Variants in PTPRN2 observed in about 807,000 individuals in gnomAD.
PTPRN2 encodes the protein protein tyrosine phosphatase receptor type N2, also known as receptor-type tyrosine-protein phosphatase N2.
A neutral mutation model predicts 118.8 loss-of-function variants in PTPRN2; 74 were observed. That is an observed-to-expected ratio of 0.62 (90% CI 0.52 to 0.76). The LOEUF (loss-of-function observed/expected upper bound fraction) is 0.76. PTPRN2 is among the 30% of genes least tolerant of loss of function. PTPRN2 has a pLI of 0.00. For synonymous variants in PTPRN2, 641 were observed against 608.0 expected (o/e 1.05, Z -0.80); for missense variants, 1,481 against 1,394.4 (o/e 1.06, Z -0.99).
chr7:158,270,696 AC>A (rs1210395728), intron 3 of PTPRN2, among the ~76,000 whole-genome samples: 1 of 150,838 alleles, frequency 6.6e-6, no homozygotes, highest in South Asian at 2.1e-4. Context: ...TTGCTGGGCC[AC>A]CCCTCTACTG....
At position 157,965,142 on chromosome 7, in the gene PTPRN2, T is replaced by C. The variant is rs1465550998; in HGVS notation, c.1724-66405A>G. 4.0e-5 allele frequency among the ~76,000 whole-genome samples: 6 copies of C among 151,832 alleles called. 1 individual carries two copies. The highest frequency in any genetic ancestry group is 3.9e-4 in the Admixed American group (6 of 15,250). On this transcript the variant is annotated intron_variant, in intron 11 of 22. Transcript: ENST00000389418. ...ATGGAGGTAGATTTGTGGGAGAGAG[T>C]TGGAAAGGGAGCTAGCACTCTTTGA...
intron 9 of PTPRN2, among the ~76,000 whole-genome samples, chr7:158,112,250 G>A (rs1052710261): frequency 6.6e-6 from 1 of 152,250 alleles, no homozygotes; most frequent in African/African-American, 2.4e-5. Context: ...CAGGGCTGTG[G>A]AGGGAAGGGC....
At position 157,869,196 on chromosome 7, in the gene PTPRN2, G is replaced by A. The variant is rs917226336; in HGVS notation, c.1788+29477C>T. On this transcript the variant is annotated intron_variant, in intron 12 of 22. Transcript: ENST00000389418. This position sits in a 1 kb window ranked among gnomAD's most constrained non-coding sequence, Gnocchi z 4.2. ...CCTCAACTTTGCCAGGGTCCTAAGC[G>A]TGTGCTTAGGTACTTGCAGAGCCTC... The A allele has an allele frequency of 7.9e-5, 12 of 152,216 alleles. No homozygotes were observed. Among genetic ancestry groups the A allele is most frequent in the East Asian group, 3.9e-4 (2 of 5,158 alleles). 9.4% of individuals were successfully genotyped at this position (152,216 alleles called of 1,614,324 possible). A position where few individuals can be genotyped will look rare whatever the true frequency, so the allele number is the denominator to read the frequency against.
intron 6 of PTPRN2, among the ~76,000 whole-genome samples, chr7:158,163,918 C>T (rs1585699142): frequency 6.6e-6 from 1 of 152,222 alleles, no homozygotes; most frequent in Non-Finnish European, 1.5e-5. Context: ...ATAGGTGATA[C>T]CTGCATGGGG....
At chr7:158,537,255 G>A (rs1825700434) in intron 1 of PTPRN2, among the ~76,000 whole-genome samples, 1 of 152,222 alleles carries the variant, frequency 6.6e-6, no homozygotes, top group Non-Finnish European at 1.5e-5. Flanking sequence ...GGACTATGAT[G>A]AATAGCATAG....
chr7:157,985,138 A>G (rs1319370915), intron 11 of PTPRN2, among the ~76,000 whole-genome samples: 1 of 152,238 alleles, frequency 6.6e-6, no homozygotes, highest in Non-Finnish European at 1.5e-5. Flanking sequence ...TCCCTTTAAC[A>G]AAGTGACATC....
At chr7:157,561,664 G>A (rs2150493503) in intron 21 of PTPRN2, among the ~76,000 whole-genome samples, 1 of 152,362 alleles carries the variant, frequency 6.6e-6, no homozygotes, top group East Asian at 1.9e-4. Context: ...GGGCCCCTTG[G>A]GCCCCCTTCC....
At chr7:158,110,322 C>T (rs1227116381) in intron 10 of PTPRN2, among the ~76,000 whole-genome samples, 1 of 152,260 alleles carries the variant, frequency 6.6e-6, no homozygotes, top group Non-Finnish European at 1.5e-5. Flanking sequence ...CCCACCAGCC[C>T]TGCATGCCTC....
At chr7:158,097,128 G>A (rs532238573) in intron 10 of PTPRN2, among the ~76,000 whole-genome samples, 224 of 152,188 alleles carry the variant, frequency 1.5e-3, no homozygotes, top group African/African-American at 5.1e-3. Flanking sequence ...CAAGACTAGG[G>A]GCAAAACAAT....
chr7:157,964,557 A>G lies in PTPRN2; in HGVS notation c.1724-65820T>C, dbSNP rs1472904471. 2.0e-5 allele frequency among the ~76,000 whole-genome samples: 3 copies of G among 152,206 alleles called. No individual in the cohort carries two copies. ...CAATCTAATTTGGTCAAAACAGTTC[A>G]TCCACAACCCCGTGCAGGCCACAAC... On this transcript the variant is annotated intron_variant, in intron 11 of 22. Transcript: ENST00000389418. This position sits in a 1 kb window ranked among gnomAD's most constrained non-coding sequence, Gnocchi z 9.0.
intron 10 of PTPRN2, among the ~76,000 whole-genome samples, chr7:158,102,545 C>G (rs1005960179): frequency 2.6e-5 from 4 of 152,192 alleles, no homozygotes; most frequent in Non-Finnish European, 5.9e-5. Flanking sequence ...CACCTCCACA[C>G]GTTCATCAGT....
intron 12 of PTPRN2, among the ~76,000 whole-genome samples, chr7:157,841,859 T>G (rs980291292): frequency 1.3e-5 from 2 of 152,150 alleles, no homozygotes; most frequent in African/African-American, 4.8e-5. Flanking sequence ...CTTTCCTTCC[T>G]GCGGGCCTGC....
At chr7:158,086,290 C>T (rs1184814960) in intron 10 of PTPRN2, among the ~76,000 whole-genome samples, 1 of 151,552 alleles carries the variant, frequency 6.6e-6, no homozygotes, top group Non-Finnish European at 1.5e-5. Context: ...CAGGCCTCTG[C>T]ACGATGAGAT....
intron 1 of PTPRN2, among the ~76,000 whole-genome samples, chr7:158,519,618 T>G (rs1322958075): frequency 1.3e-5 from 2 of 152,136 alleles, no homozygotes; most frequent in African/African-American, 4.8e-5. Context: ...TTGATCTGGG[T>G]GACTCTGGAC....
chr7:158,272,859 T>A lies in PTPRN2; in HGVS notation c.277+43960A>T, dbSNP rs1798606354. The stretch of plus-strand genomic sequence containing the variant: ...GCTGAGTGGATGGAAGGATCAGGAA[T>A]GACCAGGAGGAAGCTACAGTCAATA... On this transcript the variant is annotated intron_variant, in intron 3 of 22. Transcript: ENST00000389418. Among the ~76,000 whole-genome samples, 3 of 152,180 alleles carry A rather than the reference T, an allele frequency of 2.0e-5. No individual in the cohort carries two copies. In the South Asian group the frequency reaches 6.2e-4, roughly 32 times the overall value.
chr7:158,235,763 A>G (rs1170589270), intron 3 of PTPRN2, among the ~76,000 whole-genome samples: 1 of 151,720 alleles, frequency 6.6e-6, no homozygotes, highest in African/African-American at 2.4e-5. Flanking sequence ...CACAAAGAAA[A>G]GATGAATATT....
intron 11 of PTPRN2, among the ~76,000 whole-genome samples, chr7:157,942,820 C>A (rs765425243): frequency 2.0e-5 from 3 of 152,176 alleles, no homozygotes; most frequent in Non-Finnish European, 4.4e-5. Flanking sequence ...GGGGCTCAAC[C>A]TTGTCCTTCC....
chr7:157,788,102 G>A (rs999085755), intron 12 of PTPRN2, among the ~76,000 whole-genome samples: 20 of 152,346 alleles, frequency 1.3e-4, no homozygotes, highest in South Asian at 2.1e-4. Flanking sequence ...GAGGCTGGGC[G>A]CGGTGGCTCA....
In PTPRN2 at chr7:157,794,865, T is replaced by A. The variant is rs980701125; in HGVS notation, c.1788+103808A>T. The stretch of plus-strand genomic sequence containing the variant: ...AATCACAAAATACTTCATATCTGCC[T>A]GCACTCATTGTCATGCTAAAGCACA... On this transcript the variant is annotated intron_variant, in intron 12 of 22. Transcript: ENST00000389418. The surrounding 1 kb of genome is among the most constrained non-coding windows in gnomAD (Gnocchi z 5.2). 2.0e-5 allele frequency among the ~76,000 whole-genome samples: 3 copies of A among 152,260 alleles called. No homozygotes were observed. Among genetic ancestry groups the A allele is most frequent in the Non-Finnish European group, 4.4e-5 (3 of 68,048 alleles).
Sources: allele counts gnomAD v4.1 joint callset (sites outside exome capture counted in the v4.1 genomes callset), GRCh38; gene constraint gnomAD v4.1.1; non-coding constraint Gnocchi (gnomAD v3.1); transcripts MANE v1.5; gene names NCBI Gene and HGNC (gene_info 2026-07-23, HGNC 2026-07-21).